ARHGAP32: variants seen among roughly 807,000 people sequenced by gnomAD.
ARHGAP32 encodes the protein Rho GTPase activating protein 32.
ARHGAP32 carries 51 observed loss-of-function variants against 186.5 expected under a neutral mutation model. The ratio of observed to expected loss-of-function variants is 0.27; its 90% CI spans 0.22 to 0.35. The LOEUF (loss-of-function observed/expected upper bound fraction) is 0.35. ARHGAP32 is among the 10% of genes least tolerant of loss of function. The probability of loss-of-function intolerance (pLI) is 1.00; values close to 1 mark genes in which losing one functional copy is unlikely to be tolerated. For synonymous variants in ARHGAP32, 950 were observed against 964.3 expected (o/e 0.99, Z 0.27); for missense variants, 2,186 against 2,623.5 (o/e 0.83, Z 3.64).
chr11:129,016,514 T>C (rs551934234), intron 11 of ARHGAP32, among the ~76,000 whole-genome samples: 15 of 152,232 alleles, frequency 9.9e-5, no homozygotes, highest in Non-Finnish European at 1.9e-4. Flanking sequence ...ATAACCTTTT[T>C]ATCACTGAAT....
intron 5 of ARHGAP32, among the ~76,000 whole-genome samples, chr11:129,117,218 T>C (rs1942391349): frequency 6.6e-6 from 1 of 152,010 alleles, no homozygotes; most frequent in Admixed American, 6.6e-5. Flanking sequence ...TTGATTCAAA[T>C]ACAGTCCACA....
chr11:128,975,002 C>T lies in ARHGAP32; in HGVS notation c.2195G>A (p.Gly732Asp). ...ESLTSLHAVD[G>D]DSKLFRPRRP... ...TCTGGGTCGGAAGAGCTTAGAATCA[C>T]CTGGAAAAAATGAATAACAGTGTCA... The change falls in exon 21 of 23, where the codon GGT (glycine) becomes GAT (aspartate). Residue 732 changes from glycine (G) to aspartate (D), a missense_variant and splice_region_variant. Gly to Asp is a moderately conservative substitution (Grantham distance 94, BLOSUM62 -1). Coordinates refer to ENST00000682385, the MANE Select transcript of ARHGAP32 (RefSeq NM_001378024.1). The T allele has an allele frequency of 6.3e-7, 1 of 1,592,230 alleles. No homozygotes were observed. The highest frequency in any genetic ancestry group is 8.5e-7 in the Non-Finnish European group (1 of 1,171,236).
Position 129,123,389 on chromosome 11 carries a change from G to A in ARHGAP32, c.444+57C>T. On this transcript the variant is annotated intron_variant, in intron 5 of 22. Coordinates refer to ENST00000682385, the MANE Select transcript of ARHGAP32 (RefSeq NM_001378024.1). The surrounding 1 kb of genome is among the most constrained non-coding windows in gnomAD (Gnocchi z 4.6). Reference sequence around the variant, plus strand: ...ATACAGATATATAGATAAGCATCTAGATATAAAGGTAAATGTGTAAATCTT... The same window carrying A: ...ATACAGATATATAGATAAGCATCTAAATATAAAGGTAAATGTGTAAATCTT... 1 of 1,376,152 alleles carries A rather than the reference G, an allele frequency of 7.3e-7. No homozygotes were observed. The highest frequency in any genetic ancestry group is 1.0e-6 in the Non-Finnish European group (1 of 973,500). The allele number at this position is 1,376,152 out of a possible 1,614,324, so 85.2% of individuals were successfully genotyped here.
At chr11:129,081,590 T>C (rs1228655850) in intron 6 of ARHGAP32, among the ~76,000 whole-genome samples, 1 of 151,634 alleles carries the variant, frequency 6.6e-6, no homozygotes, top group East Asian at 1.9e-4. Context: ...GCAAAATCAG[T>C]ATGGAAGGGA....
chr11:129,138,594 T>G lies in ARHGAP32; in HGVS notation c.226-13700A>C, dbSNP rs900020707. On this transcript the variant is annotated intron_variant, in intron 2 of 22. Transcript: ENST00000682385. ...CTTGGTCCCATATTCAAAGTGCTAATATTGACTGGGTAACTGTAAACTGAC... is the reference window on the plus strand; with the variant it reads ...CTTGGTCCCATATTCAAAGTGCTAAGATTGACTGGGTAACTGTAAACTGAC... 3.3e-4 allele frequency among the ~76,000 whole-genome samples: 50 copies of G among 152,282 alleles called. 1 individual carries two copies. The highest frequency in any genetic ancestry group is 1.2e-3 in the African/African-American group (50 of 41,572).
chr11:129,230,195 A>G (rs1383836064), intron 1 of ARHGAP32, among the ~76,000 whole-genome samples: 2 of 147,956 alleles, frequency 1.4e-5, no homozygotes, highest in Non-Finnish European at 3.0e-5. Context: ...CTCTTGTAAA[A>G]GAAATAATTA....
In ARHGAP32 at chr11:129,087,664, A is replaced by C. The variant is rs142909275; in HGVS notation, c.531+5957T>G. Among the ~76,000 whole-genome samples the C allele has an allele frequency of 1.3e-3, 202 of 152,338 alleles. 2 individuals are homozygous for C. Among genetic ancestry groups the C allele is most frequent in the East Asian group, 6.4e-3 (33 of 5,192 alleles). Reference sequence around the variant, plus strand: ...CTGTATGATACTATACTGGTGATACATGTCATTACACATTTTTCTAAACCT... The same window carrying C: ...CTGTATGATACTATACTGGTGATACCTGTCATTACACATTTTTCTAAACCT... On this transcript the variant is annotated intron_variant, in intron 6 of 22. Transcript: ENST00000682385.
upstream of ARHGAP32, among the ~76,000 whole-genome samples, chr11:129,197,218 T>C (rs1217589318): frequency 2.6e-5 from 4 of 152,152 alleles, no homozygotes; most frequent in East Asian, 7.7e-4. Flanking sequence ...TTTTGGGGGA[T>C]GGGCCATGAT....
chr11:129,119,559 G>T (rs571463504), intron 5 of ARHGAP32, among the ~76,000 whole-genome samples: 1 of 152,148 alleles, frequency 6.6e-6, no homozygotes, highest in Admixed American at 6.5e-5. Flanking sequence ...TTATTGAGTA[G>T]TTTTTATGTG....
Position 129,135,506 on chromosome 11 carries a change from G to A in ARHGAP32, c.226-10612C>T, listed in dbSNP as rs529857308. Among the ~76,000 whole-genome samples the A allele has an allele frequency of 1.1e-4, 17 of 152,294 alleles. No homozygotes were observed. The South Asian group carries it at 2.1e-3, about 19-fold the overall frequency. On this transcript the variant is annotated intron_variant, in intron 2 of 22. Coordinates refer to ENST00000682385, the MANE Select transcript of ARHGAP32 (RefSeq NM_001378024.1). ...ACGCTGGCCGGGCGTGGTGGCTCACGCCTGTAATCCCAGCACTTTGGGAGG... is the reference window on the plus strand; with the variant it reads ...ACGCTGGCCGGGCGTGGTGGCTCACACCTGTAATCCCAGCACTTTGGGAGG...
intron 1 of ARHGAP32, among the ~76,000 whole-genome samples, chr11:129,240,966 T>C (rs900299607): frequency 1.3e-5 from 2 of 152,212 alleles, no homozygotes; most frequent in African/African-American, 4.8e-5. Flanking sequence ...TTTAACTCCG[T>C]GGTTAAGAAT....
chr11:129,054,949 G>C (rs1940190312), intron 10 of ARHGAP32, among the ~76,000 whole-genome samples: 1 of 152,160 alleles, frequency 6.6e-6, no homozygotes, highest in East Asian at 1.9e-4. Context: ...TATGGTCTGG[G>C]CTAGTGCAAT....
upstream of ARHGAP32, among the ~76,000 whole-genome samples, chr11:129,193,603 AAT>A (rs1944329107): frequency 1.4e-5 from 1 of 69,716 alleles, no homozygotes; most frequent in Non-Finnish European, 2.7e-5. Context: ...TGTTATATAT[AAT>A]ATATAATATA....
intron 1 of ARHGAP32, among the ~76,000 whole-genome samples, chr11:129,255,804 C>G (rs916401494): frequency 3.9e-5 from 6 of 152,108 alleles, no homozygotes; most frequent in African/African-American, 1.4e-4. Flanking sequence ...AGCTTAAACT[C>G]TCATTTGTTA....
At chr11:129,279,625 G>C (rs1265531618), upstream of ARHGAP32, among the ~76,000 whole-genome samples, 1 of 145,868 alleles carries the variant, frequency 6.9e-6, no homozygotes, top group Non-Finnish European at 1.5e-5. Flanking sequence ...CCGCAGCGGG[G>C]AGAAGAGGCG....
chr11:129,002,070 T>C (rs1018745731), intron 11 of ARHGAP32, among the ~76,000 whole-genome samples: 24 of 152,178 alleles, frequency 1.6e-4, no homozygotes, highest in Admixed American at 6.5e-5. Context: ...TAGCTTAGGA[T>C]TGCTATGGCT....
At chr11:129,238,756 AACACACACAC>A (rs71057936) in intron 1 of ARHGAP32, among the ~76,000 whole-genome samples, 3 of 148,300 alleles carry the variant, frequency 2.0e-5, no homozygotes, top group South Asian at 4.3e-4. Context: ...ACTTATTTTA[AACACACACAC>A]ACACACACAC....
chr11:128,977,637 C>A (rs146952491), intron 19 of ARHGAP32, among the ~76,000 whole-genome samples: 1 of 152,080 alleles, frequency 6.6e-6, no homozygotes, highest in Non-Finnish European at 1.5e-5. Flanking sequence ...CCCTCCTCTA[C>A]AAGAGTTGAC....
Position 128,972,715 on chromosome 11 carries a change from C to A in ARHGAP32, c.3791G>T (p.Gly1264Val). The change falls in exon 22 of 23, where the codon GGG (glycine) becomes GTG (valine). Residue 1264 changes from glycine to valine, a missense_variant. Around this residue, in one of 5 missense-constraint regions of ARHGAP32, gnomAD observed 1,502 missense variants for 1,570.0 expected, o/e 0.96. Coordinates refer to ENST00000682385, the MANE Select transcript of ARHGAP32 (RefSeq NM_001378024.1). ...LPSDKIYPPS[G>V]SPEENTSTAT... The stretch of plus-strand genomic sequence containing the variant: ...TGTGCTGGTATTCTCTTCGGGGGAC[C>A]CAGAAGGAGGGTAGATTTTATCGCT... The A allele has an allele frequency of 2.5e-6, 4 of 1,613,704 alleles. No individual in the cohort carries two copies. The highest frequency in any genetic ancestry group is 3.4e-6 in the Non-Finnish European group (4 of 1,179,972).
Sources: gnomAD v4.1 joint callset for allele counts (sites outside exome capture counted in the v4.1 genomes callset) on GRCh38, gnomAD v4.1.1 for gene constraint, gnomAD v4.1.1 regional missense constraint, Gnocchi (gnomAD v3.1) non-coding constraint, MANE v1.5 for transcripts, NCBI Gene and HGNC (gene_info 2026-07-23, HGNC 2026-07-21) for gene names.